CADM2: variants seen among roughly 807,000 people sequenced by gnomAD.
CADM2 encodes the protein cell adhesion molecule 2.
CADM2 carries 12 observed loss-of-function variants against 49.8 expected under a neutral mutation model. The ratio of observed to expected loss-of-function variants is 0.24; its 90% CI spans 0.15 to 0.39. The LOEUF is 0.39. CADM2 is among the 10% of genes least tolerant of loss of function. The pLI is 1.00. For synonymous variants in CADM2, 214 were observed against 175.4 expected, an observed-to-expected ratio of 1.22 and a Z score of -1.74; for missense variants, 378 against 492.3, an observed-to-expected ratio of 0.77 and a Z score of 2.20.
intron 2 of CADM2, among the ~76,000 whole-genome samples, chr3:85,748,757 T>C (rs185603011): frequency 1.3e-5 from 2 of 152,228 alleles, no homozygotes; most frequent in African/African-American, 4.8e-5. Context: ...TTGTCTTTAT[T>C]GATATGTTCT....
chr3:86,025,209 C>A (rs1281682558), intron 8 of CADM2, among the ~76,000 whole-genome samples: 2 of 151,994 alleles, frequency 1.3e-5, no homozygotes, highest in Non-Finnish European at 2.9e-5. Flanking sequence ...GCGCCCGCCA[C>A]CACGCCAGCC....
At chr3:85,713,825 A>G (rs966012407) in intron 1 of CADM2, among the ~76,000 whole-genome samples, 1 of 152,224 alleles carries the variant, frequency 6.6e-6, no homozygotes, top group Non-Finnish European at 1.5e-5. Context: ...CATGCCTTAA[A>G]TACAAAATAT....
intron 1 of CADM2, among the ~76,000 whole-genome samples, chr3:85,324,848 AT>A (rs776864335): frequency 4.0e-4 from 61 of 152,146 alleles, no homozygotes; most frequent in Non-Finnish European, 6.8e-4. Flanking sequence ...GGAGCATCAA[AT>A]CTCGCCTTTG....
chr3:85,878,981 A>T (rs1292267727), intron 3 of CADM2, among the ~76,000 whole-genome samples: 4 of 151,784 alleles, frequency 2.6e-5, no homozygotes, highest in African/African-American at 9.7e-5. Flanking sequence ...CCTCTTAAAA[A>T]ATGTGTGAAC....
At chr3:85,922,088 A>ATCT (rs1392606195) in intron 6 of CADM2, among the ~76,000 whole-genome samples, 1 of 151,180 alleles carries the variant, frequency 6.6e-6, no homozygotes, top group African/African-American at 2.4e-5. Flanking sequence ...ATTCATCATC[A>ATCT]TCTTCTTCTT....
intron 2 of CADM2, among the ~76,000 whole-genome samples, chr3:85,736,713 T>C (rs1441335821): frequency 2.0e-5 from 3 of 152,128 alleles, no homozygotes; most frequent in African/African-American, 4.8e-5. Context: ...TAAGTGGTTT[T>C]AAAAGGGAAT....
chr3:85,183,133 T>G lies in CADM2; in HGVS notation c.61+223465T>G, dbSNP rs561418817. Among the ~76,000 whole-genome samples, 9 of 152,256 alleles carry G rather than the reference T, an allele frequency of 5.9e-5. No individual in the cohort carries two copies. The South Asian group carries it at 1.9e-3, about 32-fold the overall frequency. ...TGATACTCTCAAATTAATACTAAGC[T>G]TTTCAGAGATTGCATCAGTGATGTT... On this transcript the variant is annotated intron_variant, in intron 1 of 9. Coordinates refer to ENST00000383699, the MANE Select transcript of CADM2 (RefSeq NM_001167675.2).
chr3:85,429,468 T>C (rs1018646139), intron 1 of CADM2, among the ~76,000 whole-genome samples: 1 of 152,112 alleles, frequency 6.6e-6, no homozygotes, highest in African/African-American at 2.4e-5. Flanking sequence ...TTAAATATAA[T>C]ATGTATTATT....
At chr3:86,009,769 A>G (rs528373295) in intron 8 of CADM2, among the ~76,000 whole-genome samples, 2 of 151,924 alleles carry the variant, frequency 1.3e-5, no homozygotes, top group East Asian at 3.9e-4. Context: ...ACTTTTAAAA[A>G]TTATTTTTTA....
intron 1 of CADM2, among the ~76,000 whole-genome samples, chr3:85,346,885 C>A (rs1199414811): frequency 6.6e-6 from 1 of 151,968 alleles, no homozygotes; most frequent in Non-Finnish European, 1.5e-5. Context: ...ACTGCGTATG[C>A]ATTAAAGCGC....
At chr3:85,614,733 A>G (rs1223918763) in intron 1 of CADM2, among the ~76,000 whole-genome samples, 1 of 151,644 alleles carries the variant, frequency 6.6e-6, no homozygotes, top group African/African-American at 2.4e-5. Context: ...ACACATGCAA[A>G]CCTCTCATGT....
intron 1 of CADM2, among the ~76,000 whole-genome samples, chr3:85,671,738 C>T (rs7644873): frequency 0.15 from 22,876 of 152,042 alleles, 1,833 homozygotes; most frequent in African/African-American, 0.19. Context: ...CTCAGGTATA[C>T]GCATAGCTGA....
chr3:85,152,596 T>A (rs367978121), intron 1 of CADM2, among the ~76,000 whole-genome samples: 1 of 152,084 alleles, frequency 6.6e-6, no homozygotes, highest in African/African-American at 2.4e-5. Context: ...AATATCGCAG[T>A]TTTTCAGTTC....
intron 1 of CADM2, among the ~76,000 whole-genome samples, chr3:85,488,025 A>T (rs2039502451): frequency 6.6e-6 from 1 of 152,190 alleles, no homozygotes; most frequent in East Asian, 1.9e-4. Context: ...TATTACCCAG[A>T]ATATCATCAA....
At chr3:84,996,903 A>G (rs1241303826) in intron 1 of CADM2, among the ~76,000 whole-genome samples, 2 of 152,120 alleles carry the variant, frequency 1.3e-5, no homozygotes, top group African/African-American at 4.8e-5. Context: ...AGAGGGGAAC[A>G]ATTAATTTCA....
intron 1 of CADM2, among the ~76,000 whole-genome samples, chr3:85,181,818 G>A (rs959634389): frequency 6.7e-6 from 1 of 149,490 alleles, no homozygotes; most frequent in East Asian, 1.9e-4. Flanking sequence ...ATTATATATA[G>A]TTTTAATACT....
intron 8 of CADM2, among the ~76,000 whole-genome samples, chr3:86,024,646 T>C (rs990682641): frequency 8.5e-5 from 13 of 152,122 alleles, no homozygotes; most frequent in African/African-American, 2.9e-4. Flanking sequence ...AAAAACAAAT[T>C]TGGCTTTACC....
intron 6 of CADM2, among the ~76,000 whole-genome samples, chr3:85,923,549 A>C (rs1719429318): frequency 6.6e-6 from 1 of 150,384 alleles, no homozygotes; most frequent in East Asian, 1.9e-4. Flanking sequence ...AAAAAAAAAA[A>C]CAACAAAACA....
At chr3:85,777,561 T>C (rs1442272715) in intron 2 of CADM2, among the ~76,000 whole-genome samples, 1 of 152,104 alleles carries the variant, frequency 6.6e-6, no homozygotes, top group East Asian at 1.9e-4. Flanking sequence ...GCCTGCTATA[T>C]TTTAAACTCA....
Sources: allele counts gnomAD v4.1 joint callset (sites outside exome capture counted in the v4.1 genomes callset), GRCh38; gene constraint gnomAD v4.1.1; transcripts MANE v1.5; gene names NCBI Gene and HGNC (gene_info 2026-07-23, HGNC 2026-07-21).